The following ADH6 variants were observed in gnomAD, a reference collection of about 807,000 sequenced individuals.
The protein encoded by ADH6 is alcohol dehydrogenase 6 (class V).
ADH6 carries 34 observed loss-of-function variants against 36.5 expected under a neutral mutation model. The ratio of observed to expected loss-of-function variants is 0.93; its 90% CI spans 0.71 to 1.24. ADH6 has a LOEUF of 1.24. ADH6 is among the 50% of genes most tolerant of loss of function. The probability of loss-of-function intolerance (pLI) is 0.00; values close to 1 mark genes in which losing one functional copy is unlikely to be tolerated. For missense variants in ADH6, 440 were observed against 447.0 expected (o/e 0.98, Z 0.14); for synonymous variants, 161 against 155.5 (o/e 1.04, Z -0.26).
intron 6 of ADH6, 91 bp from the exon 7 acceptor site, chr4:99,207,672 G>A: frequency 1.5e-6 from 2 of 1,324,086 alleles, no homozygotes; most frequent in Non-Finnish European, 2.1e-6. Flanking sequence ...CTCCTAAATG[G>A]TCTATGACTT....
intron 2 of ADH6, 73 bp from the exon 3 acceptor site, chr4:99,213,820 G>A (rs1319615223): frequency 7.5e-7 from 1 of 1,336,396 alleles, no homozygotes; most frequent in African/African-American, 1.5e-5. Context: ...TTGACTGTAA[G>A]GCTTTTTGCT....
At chr4:99,204,640 C>T in intron 8 of ADH6, 1 of 1,184,020 alleles carries the variant, frequency 8.4e-7, no homozygotes, top group Non-Finnish European at 1.0e-6. Flanking sequence ...AAGCTGACTT[C>T]CATTAATATG....
intron 1 of ADH6, among the ~76,000 whole-genome samples, chr4:99,218,118 T>G (rs1330712899): frequency 6.6e-6 from 1 of 152,244 alleles, no homozygotes; most frequent in Non-Finnish European, 1.5e-5. Context: ...TGTATTCATT[T>G]GCTGTTTGAA....
At chr4:99,218,443 A>G (rs1430844633) in intron 1 of ADH6, among the ~76,000 whole-genome samples, 1 of 152,082 alleles carries the variant, frequency 6.6e-6, no homozygotes, top group Non-Finnish European at 1.5e-5. Context: ...CTTCGAAATC[A>G]CCTTTATACC....
At chr4:99,208,554 A>G in intron 6 of ADH6, 114 bp downstream of exon 6, 1 of 1,256,886 alleles carries the variant, frequency 8.0e-7, no homozygotes, top group Non-Finnish European at 1.1e-6. Context: ...GTCATGGAAC[A>G]CAAGGAAAAT....
At chr4:99,210,641 C>A in intron 3 of ADH6, 139 bp from the exon 4 acceptor site, 1 of 663,304 alleles carries the variant, frequency 1.5e-6, no homozygotes, top group Admixed American at 2.9e-5. Context: ...GTGCTTGATA[C>A]CACAAAGAAT....
In ADH6 at chr4:99,204,188, T is replaced by C. The variant is rs1322183095; in HGVS notation, c.*31A>G. 7 of 1,588,140 alleles carry C rather than the reference T, an allele frequency of 4.4e-6. No homozygotes were observed. In the Admixed American group the frequency reaches 1.1e-4, roughly 24 times the overall value. ...CAAATGCCATTGAGTTGGTGAAATA[T>C]CCTTTGGGTCTTGCATGTATTACAT... is the stretch of plus-strand genomic sequence containing the variant. On this transcript the variant is annotated 3_prime_UTR_variant, in exon 9 of 9. Coordinates refer to ENST00000394899, the MANE Select transcript of ADH6 (RefSeq NM_001102470.2).
In ADH6 at chr4:99,208,660, T is replaced by G. The variant is rs2110546021; in HGVS notation, c.828+8A>C. ...TATTGGTAATTTTCACTCCAGAGGA[T>G]TACATACCAGAACGTCCAGATTTCC... On this transcript the variant is annotated splice_region_variant and intron_variant, in intron 6 of 8. Coordinates refer to ENST00000394899, the MANE Select transcript of ADH6 (RefSeq NM_001102470.2). 6.2e-7 allele frequency: 1 copy of G among 1,610,864 alleles called. No homozygotes were observed. Among genetic ancestry groups the G allele is most frequent in the South Asian group, 1.1e-5 (1 of 90,668 alleles).
At chr4:99,217,648 C>G (rs1208276981) in intron 1 of ADH6, among the ~76,000 whole-genome samples, 5 of 152,114 alleles carry the variant, frequency 3.3e-5, no homozygotes, top group Admixed American at 3.3e-4. Context: ...GATTCTATAT[C>G]TTTGCTATTG....
At position 99,208,661 on chromosome 4, in the gene ADH6, T is replaced by A. The variant is rs1276730498; in HGVS notation, c.828+7A>T. ...ATTGGTAATTTTCACTCCAGAGGAT[T>A]ACATACCAGAACGTCCAGATTTCCA... On this transcript the variant is annotated splice_region_variant and intron_variant, in intron 6 of 8. Coordinates refer to ENST00000394899, the MANE Select transcript of ADH6 (RefSeq NM_001102470.2). The A allele has an allele frequency of 1.2e-6, 2 of 1,611,058 alleles. No individual in the cohort carries two copies. The highest frequency in any genetic ancestry group is 1.7e-6 in the Non-Finnish European group (2 of 1,178,454).
intron 1 of ADH6, 119 bp from the exon 2 acceptor site, chr4:99,216,381 A>G (rs1332002304): frequency 2.4e-6 from 1 of 421,862 alleles, no homozygotes; most frequent in Non-Finnish European, 4.0e-6. Context: ...CGCACTGCAG[A>G]AAAAAAAAAG....
At chr4:99,210,588 C>T (rs1438175837) in intron 3 of ADH6, 86 bp from the exon 4 acceptor site, 6 of 1,048,370 alleles carry the variant, frequency 5.7e-6, no homozygotes, top group South Asian at 5.6e-5. Context: ...CAGCAAGGCA[C>T]CCAAGAAGAA....
intron 3 of ADH6, 42 bp from the exon 4 acceptor site, chr4:99,210,544 A>G (rs1174769142): frequency 2.0e-6 from 3 of 1,471,956 alleles, no homozygotes; most frequent in Non-Finnish European, 2.8e-6. Flanking sequence ...ATTATTTTTT[A>G]AAGTAAAGAC....
Position 99,202,679 on chromosome 4 carries a change from A to G in ADH6, c.*1540T>C. The G allele has an allele frequency of 5.0e-6, 2 of 396,060 alleles. No individual in the cohort carries two copies. Among genetic ancestry groups the G allele is most frequent in the Non-Finnish European group, 8.9e-6 (2 of 225,532 alleles). The allele number at this position is 396,060 out of a possible 1,614,324, so 24.5% of individuals were successfully genotyped here. ...AGCTTTATTGGAGCAAAGAGTGTGG[A>G]CACTGTTTACAACAAAACGTTTCCG... On this transcript the variant is annotated 3_prime_UTR_variant, in exon 9 of 9. Transcript: ENST00000394899.
intron 2 of ADH6, among the ~76,000 whole-genome samples, chr4:99,215,112 G>A (rs544905380): frequency 6.6e-6 from 1 of 152,152 alleles, no homozygotes; most frequent in African/African-American, 2.4e-5. Flanking sequence ...GATAATGGTT[G>A]AATGTCTTTG....
In ADH6 at chr4:99,207,436, T is replaced by G. The variant is rs1183575386; in HGVS notation, c.964+10A>C. The G allele has an allele frequency of 1.2e-6, 2 of 1,613,040 alleles. No individual in the cohort carries two copies. Among genetic ancestry groups the G allele is most frequent in the East Asian group, 4.5e-5 (2 of 44,882 alleles). Reference sequence around the variant, plus strand: ...TCAGGCATTTCCACCTTTCCCTGCTTCATCCATACCTCCAAAAACAGAACC... The same window carrying G: ...TCAGGCATTTCCACCTTTCCCTGCTGCATCCATACCTCCAAAAACAGAACC... On this transcript the variant is annotated intron_variant, in intron 7 of 8. Coordinates refer to ENST00000394899, the MANE Select transcript of ADH6 (RefSeq NM_001102470.2).
intron 1 of ADH6, among the ~76,000 whole-genome samples, chr4:99,218,355 T>G (rs1284998994): frequency 6.6e-6 from 1 of 152,206 alleles, no homozygotes; most frequent in Non-Finnish European, 1.5e-5. Context: ...TCTAAATTTT[T>G]CTAGGATATG....
At chr4:99,204,321 T>C in intron 8 of ADH6, 78 bp from the exon 9 acceptor site, 1 of 1,571,496 alleles carries the variant, frequency 6.4e-7, no homozygotes. Context: ...AATTCTCACT[T>C]TGTAGAGCAG....
In ADH6 at chr4:99,208,695, A is replaced by G. The variant is rs1355442444; in HGVS notation, c.801T>C (p.Phe267=). 1 of 1,613,438 alleles carries G rather than the reference A, an allele frequency of 6.2e-7. No individual in the cohort carries two copies. The highest frequency in any genetic ancestry group is 1.3e-5 in the African/African-American group (1 of 74,860). The change falls in exon 6 of 9, where the codon TTT becomes TTC. Residue 267 remains phenylalanine, a synonymous_variant. Transcript: ENST00000394899. The part of the protein sequence containing the change: ...DMTDAGIDFC[F]EAIGNLDVLA... ...GAACGTCCAGATTTCCAATGGCCTC[A>G]AAGCAGAAGTCTATACCAGCATCTG...
Sources: gnomAD v4.1 joint callset for allele counts (sites outside exome capture counted in the v4.1 genomes callset) on GRCh38, gnomAD v4.1.1 for gene constraint, MANE v1.5 for transcripts, NCBI Gene and HGNC (gene_info 2026-07-23, HGNC 2026-07-21) for gene names.